Variants in MARCHF6 observed in about 807,000 individuals in gnomAD.
MARCHF6 encodes the protein E3 ubiquitin-protein ligase MARCHF6.
MARCHF6 carries 31 observed loss-of-function variants against 133.7 expected under a neutral mutation model. The observed-to-expected ratio is 0.23, with a 90% confidence interval of 0.17 to 0.31. The LOEUF is 0.31. Ranked by LOEUF, MARCHF6 falls within the 10% of genes least tolerant of loss-of-function variation. MARCHF6 has a pLI of 1.00. For missense variants in MARCHF6, 723 were observed against 1,121.6 expected, an observed-to-expected ratio of 0.64 and a Z score of 5.08; for synonymous variants, 395 against 402.5, an observed-to-expected ratio of 0.98 and a Z score of 0.22.
chr5:10,394,227 A>G (rs1738042649), intron 8 of MARCHF6, 84 bp downstream of exon 8: 4 of 748,946 alleles, frequency 5.3e-6, no homozygotes, highest in Non-Finnish European at 8.4e-6. Context: ...GTATACACTA[A>G]TGTTATCGTT....
chr5:10,425,592 C>G (rs947543849), intron 23 of MARCHF6, among the ~76,000 whole-genome samples: 1 of 152,142 alleles, frequency 6.6e-6, no homozygotes, highest in Non-Finnish European at 1.5e-5. Flanking sequence ...TGGCAGCATG[C>G]CTTTAAAAGG....
At chr5:10,392,780 A>G (rs1199414699) in intron 7 of MARCHF6, among the ~76,000 whole-genome samples, 2 of 151,230 alleles carry the variant, frequency 1.3e-5, no homozygotes, top group South Asian at 2.1e-4. Flanking sequence ...GATCCAAGAC[A>G]GGGTCTACCA....
chr5:10,361,832 C>T (rs566711321), intron 1 of MARCHF6, among the ~76,000 whole-genome samples: 2 of 152,046 alleles, frequency 1.3e-5, no homozygotes, highest in South Asian at 2.1e-4. Context: ...GGCGCGATCT[C>T]GGCTCATGGC....
At chr5:10,372,630 C>A (rs1379094998) in intron 1 of MARCHF6, among the ~76,000 whole-genome samples, 4 of 152,010 alleles carry the variant, frequency 2.6e-5, no homozygotes, top group Non-Finnish European at 4.4e-5. Context: ...TTGACGAACT[C>A]CTTGAAGAAC....
rs376127290 is a variant in MARCHF6 at position 10,434,402 on chromosome 5, A to G, written c.*718A>G. 2.6e-5 allele frequency: 4 copies of G among 152,610 alleles called. No homozygotes were observed. Among genetic ancestry groups the G allele is most frequent in the East Asian group, 3.8e-4 (2 of 5,204 alleles). The allele number at this position is 152,610 out of a possible 1,614,324, so 9.5% of individuals were successfully genotyped here. A position where few individuals can be genotyped will look rare whatever the true frequency, so the allele number is the denominator to read the frequency against. On this transcript the variant is annotated 3_prime_UTR_variant, in exon 26 of 26. Transcript: ENST00000274140. ...ATTTAATATTCCTAGTGTGATCAGC[A>G]TTGGGAGTTGGGTTTCAGTGGGGCA...
At chr5:10,356,123 G>T (rs1232409597) in intron 1 of MARCHF6, among the ~76,000 whole-genome samples, 3 of 151,940 alleles carry the variant, frequency 2.0e-5, no homozygotes, top group Non-Finnish European at 1.5e-5. Context: ...GATTAAAAAT[G>T]ATATAGCAAA....
chr5:10,391,446 T>TTTG, intron 6 of MARCHF6, 96 bp from the exon 7 acceptor site: 1 of 524,354 alleles, frequency 1.9e-6, no homozygotes, highest in East Asian at 4.6e-5. Flanking sequence ...GTTTTTTTTT[T>TTTG]TTTTTTTTTT....
chr5:10,365,068 G>T (rs1736058886), intron 1 of MARCHF6, among the ~76,000 whole-genome samples: 1 of 151,858 alleles, frequency 6.6e-6, no homozygotes, highest in African/African-American at 2.4e-5. Flanking sequence ...CTCCCAAAGT[G>T]CTGAGATTAC....
chr5:10,397,805 A>G (rs1304867108), intron 10 of MARCHF6, among the ~76,000 whole-genome samples: 1 of 152,084 alleles, frequency 6.6e-6, no homozygotes, highest in Admixed American at 6.5e-5. Context: ...AAATGTGAGC[A>G]CCCCTTAGAA....
intron 4 of MARCHF6, among the ~76,000 whole-genome samples, chr5:10,384,131 A>G (rs533448454): frequency 1.8e-4 from 28 of 152,318 alleles, no homozygotes; most frequent in Non-Finnish European, 3.2e-4. Context: ...CATTACCTCA[A>G]CCTAACACAG....
intron 11 of MARCHF6, 198 bp from the exon 12 acceptor site, chr5:10,401,861 A>G: frequency 1.8e-6 from 1 of 543,650 alleles, no homozygotes; most frequent in African/African-American, 1.9e-5. Context: ...ATTTTTCTTC[A>G]TTTTTTAGTA....
chr5:10,387,539 G>A (rs957212699), intron 5 of MARCHF6, among the ~76,000 whole-genome samples: 7 of 152,138 alleles, frequency 4.6e-5, no homozygotes, highest in Non-Finnish European at 8.8e-5. Flanking sequence ...CTGACCTCAG[G>A]TGATCCACCC....
chr5:10,416,077 G>GTGCA (rs111515538), intron 21 of MARCHF6, among the ~76,000 whole-genome samples: 7,661 of 152,106 alleles, frequency 0.05, 645 homozygotes, highest in African/African-American at 0.17. Context: ...CTTTATACAC[G>GTGCA]TGCATGCACA....
chr5:10,391,441 T>G (rs78939906), intron 6 of MARCHF6, 101 bp from the exon 7 acceptor site: 5 of 435,028 alleles, frequency 1.1e-5, no homozygotes, highest in East Asian at 5.0e-5. Flanking sequence ...CCTAGGTTTT[T>G]TTTTTTTTTT....
chr5:10,358,105 A>G (rs1282902844), intron 1 of MARCHF6, among the ~76,000 whole-genome samples: 1 of 151,834 alleles, frequency 6.6e-6, no homozygotes, highest in Non-Finnish European at 1.5e-5. Context: ...AGCAAAGGAG[A>G]AGGAGTTAGC....
intron 24 of MARCHF6, among the ~76,000 whole-genome samples, chr5:10,426,897 A>G (rs1740115483): frequency 6.6e-6 from 1 of 152,236 alleles, no homozygotes; most frequent in Admixed American, 6.5e-5. Context: ...GGCATAAAAG[A>G]TCCAAAGAGG....
chr5:10,374,092 A>C (rs1231786369), intron 1 of MARCHF6, among the ~76,000 whole-genome samples: 1 of 152,048 alleles, frequency 6.6e-6, no homozygotes, highest in Non-Finnish European at 1.5e-5. Context: ...GATTCTGCAG[A>C]GAGAGAGCCT....
chr5:10,405,396 G>C (rs1208112129), intron 15 of MARCHF6, among the ~76,000 whole-genome samples, 162 bp from the exon 16 acceptor site: 1 of 151,850 alleles, frequency 6.6e-6, no homozygotes, highest in Non-Finnish European at 1.5e-5. Context: ...TAAAGATTCT[G>C]GTTTAGGAAC....
intron 19 of MARCHF6, among the ~76,000 whole-genome samples, chr5:10,413,828 C>T (rs1739360502): frequency 6.6e-6 from 1 of 152,136 alleles, no homozygotes; most frequent in Non-Finnish European, 1.5e-5. Context: ...CTGGCCCTTC[C>T]CTTGACACCT....
Sources: allele counts gnomAD v4.1 joint callset (sites outside exome capture counted in the v4.1 genomes callset), GRCh38; gene constraint gnomAD v4.1.1; transcripts MANE v1.5; gene names NCBI Gene and HGNC (gene_info 2026-07-23, HGNC 2026-07-21).